Variants in HS6ST3 observed in about 807,000 individuals in gnomAD.
The protein encoded by HS6ST3 is heparan sulfate 6-O-sulfotransferase 3, also known as heparan-sulfate 6-O-sulfotransferase 3.
Under a neutral mutation model 36.7 loss-of-function variants are expected in HS6ST3, and 12 were observed. That is an observed-to-expected ratio of 0.33 (90% CI 0.21 to 0.53). The LOEUF (loss-of-function observed/expected upper bound fraction) is 0.53. HS6ST3 is among the 20% of genes least tolerant of loss of function. The pLI, the probability that HS6ST3 is intolerant of heterozygous loss-of-function variation, is 0.95. For missense variants in HS6ST3, 584 were observed against 640.9 expected (o/e 0.91, Z 0.96); for synonymous variants, 240 against 257.5 (o/e 0.93, Z 0.65).
In HS6ST3 at chr13:96,203,306, C is replaced by T. The variant is rs568399819; in HGVS notation, c.707+111737C>T. The stretch of plus-strand genomic sequence containing the variant: ...AGGATCCTCTTTCTGGTTTACCAGC[C>T]GCGGCCTTCTCTCTGTGTCCTTACA... On this transcript the variant is annotated intron_variant, in intron 1 of 1. Transcript: ENST00000376705. 7.9e-4 allele frequency among the ~76,000 whole-genome samples: 120 copies of T among 152,198 alleles called. 1 individual carries two copies. The highest frequency in any genetic ancestry group is 2.4e-3 in the African/African-American group (101 of 41,526).
At chr13:96,202,730 C>T (rs1282218016) in intron 1 of HS6ST3, among the ~76,000 whole-genome samples, 2 of 152,198 alleles carry the variant, frequency 1.3e-5, no homozygotes, top group East Asian at 3.8e-4. Flanking sequence ...TCACAGGTTA[C>T]ATAGGGCAAT....
Position 96,411,453 on chromosome 13 carries a change from G to A in HS6ST3, c.707+319884G>A, listed in dbSNP as rs188795193. Among the ~76,000 whole-genome samples the A allele has an allele frequency of 1.0e-3, 154 of 152,304 alleles. 2 individuals carry two copies. Among genetic ancestry groups the A allele is most frequent in the African/African-American group, 3.6e-3 (151 of 41,558 alleles). Reference sequence around the variant, plus strand: ...AGGTTGAGATGGGTGAGATAACATGGCAAATTCTGGTAATACAAACATTTT... The same window carrying A: ...AGGTTGAGATGGGTGAGATAACATGACAAATTCTGGTAATACAAACATTTT... On this transcript the variant is annotated intron_variant, in intron 1 of 1. Coordinates refer to ENST00000376705, the MANE Select transcript of HS6ST3 (RefSeq NM_153456.4).
At chr13:96,775,154 G>A (rs1199284741) in intron 1 of HS6ST3, among the ~76,000 whole-genome samples, 1 of 151,978 alleles carries the variant, frequency 6.6e-6, no homozygotes, top group African/African-American at 2.4e-5. Flanking sequence ...TCACTACCAG[G>A]CATGCCTTAT....
chr13:96,618,513 A>G (rs1447039385), intron 1 of HS6ST3, among the ~76,000 whole-genome samples: 3 of 152,172 alleles, frequency 2.0e-5, no homozygotes, highest in African/African-American at 7.2e-5. Context: ...AACAAGGCTC[A>G]GGTATTGGGG....
intron 1 of HS6ST3, among the ~76,000 whole-genome samples, chr13:96,352,244 A>T (rs962419495): frequency 5.3e-5 from 8 of 152,204 alleles, no homozygotes; most frequent in African/African-American, 1.9e-4. Flanking sequence ...TATTTCACAT[A>T]GTTTCTGTGT....
chr13:96,245,027 A>G (rs184429330), intron 1 of HS6ST3, among the ~76,000 whole-genome samples: 29 of 152,358 alleles, frequency 1.9e-4, no homozygotes, highest in African/African-American at 5.5e-4. Context: ...AGTTACAGCA[A>G]AATTTTACTT....
At chr13:96,136,715 A>G (rs907482311) in intron 1 of HS6ST3, among the ~76,000 whole-genome samples, 2 of 142,410 alleles carry the variant, frequency 1.4e-5, no homozygotes, top group African/African-American at 5.3e-5. Context: ...ATATATATAT[A>G]TATAGTAAAA....
chr13:96,119,876 G>GA (rs34371079), intron 1 of HS6ST3, among the ~76,000 whole-genome samples: 59,333 of 143,814 alleles, frequency 0.41, 12,272 homozygotes, highest in East Asian at 0.5. Context: ...AATATAATAG[G>GA]AAAAAAAAAA....
chr13:96,667,519 C>A (rs1176498592), intron 1 of HS6ST3, among the ~76,000 whole-genome samples: 2 of 152,168 alleles, frequency 1.3e-5, no homozygotes, highest in African/African-American at 2.4e-5. Context: ...CCATCTGCCC[C>A]TCCAGTGACA....
At chr13:96,823,043 C>A (rs1216002389) in intron 1 of HS6ST3, among the ~76,000 whole-genome samples, 1 of 152,228 alleles carries the variant, frequency 6.6e-6, no homozygotes, top group Non-Finnish European at 1.5e-5. Context: ...TCACTCAGAG[C>A]ACCTTCCTCT....
intron 1 of HS6ST3, among the ~76,000 whole-genome samples, chr13:96,418,005 A>G (rs563208338): frequency 6.6e-6 from 1 of 152,252 alleles, no homozygotes; most frequent in African/African-American, 2.4e-5. Context: ...TAACACTGCC[A>G]TGACATTATA....
intron 1 of HS6ST3, among the ~76,000 whole-genome samples, chr13:96,281,108 C>T (rs546654978): frequency 2.0e-5 from 3 of 152,156 alleles, no homozygotes; most frequent in East Asian, 3.9e-4. Flanking sequence ...CTGGTTCAAG[C>T]GATTCTCCTG....
chr13:96,491,590 A>G (rs1480529291), intron 1 of HS6ST3, among the ~76,000 whole-genome samples: 2 of 151,986 alleles, frequency 1.3e-5, no homozygotes, highest in Admixed American at 1.3e-4. Flanking sequence ...CATCTTTGGT[A>G]AATGAATTAT....
Position 96,544,774 on chromosome 13 carries a change from G to A in HS6ST3, c.708-287716G>A, listed in dbSNP as rs1009593498. On this transcript the variant is annotated intron_variant, in intron 1 of 1. Transcript: ENST00000376705. ...GTGCCGTCCTCTCTGGTGAATGTCT[G>A]ATGGAGCATGGTGAGTGGTAAATTA... Among the ~76,000 whole-genome samples, 4 of 152,122 alleles carry A rather than the reference G, an allele frequency of 2.6e-5. No individual in the cohort carries two copies. In the South Asian group the frequency reaches 8.3e-4, roughly 32 times the overall value.
intron 1 of HS6ST3, among the ~76,000 whole-genome samples, chr13:96,156,112 A>C (rs759355381): frequency 2.0e-5 from 3 of 152,188 alleles, no homozygotes; most frequent in African/African-American, 7.2e-5. Context: ...AGTTGGGACA[A>C]TTTTAAGCAC....
intron 1 of HS6ST3, among the ~76,000 whole-genome samples, chr13:96,382,914 T>A (rs553500276): frequency 1.3e-5 from 2 of 152,356 alleles, no homozygotes; most frequent in East Asian, 3.9e-4. Context: ...TGAATACTTA[T>A]ATCAAAGAGA....
chr13:96,153,424 G>A (rs2054096392), intron 1 of HS6ST3, among the ~76,000 whole-genome samples: 3 of 152,304 alleles, frequency 2.0e-5, no homozygotes, highest in Middle Eastern at 3.4e-3. Flanking sequence ...TGTAGGGAAT[G>A]ATACCTTGGC....
chr13:96,593,955 T>C (rs2056392545), intron 1 of HS6ST3, among the ~76,000 whole-genome samples: 1 of 151,978 alleles, frequency 6.6e-6, no homozygotes, highest in Non-Finnish European at 1.5e-5. Context: ...CAGTTTATAA[T>C]TGGGTCTTTT....
At chr13:96,236,556 CT>C (rs1433102218) in intron 1 of HS6ST3, among the ~76,000 whole-genome samples, 23 of 152,160 alleles carry the variant, frequency 1.5e-4, no homozygotes, top group Non-Finnish European at 2.8e-4. Context: ...AAGCCCTCAA[CT>C]TTTTTACCTT....
Sources: allele counts gnomAD v4.1 joint callset (sites outside exome capture counted in the v4.1 genomes callset), GRCh38; gene constraint gnomAD v4.1.1; transcripts MANE v1.5; gene names NCBI Gene and HGNC (gene_info 2026-07-23, HGNC 2026-07-21).